Variants in AP3B2 observed in about 807,000 individuals in gnomAD.
The protein encoded by AP3B2 is AP-3 complex subunit beta-2.
A neutral mutation model predicts 126.9 loss-of-function variants in AP3B2; 50 were observed. The observed-to-expected ratio is 0.39, with a 90% CI of 0.31 to 0.50. AP3B2 has a LOEUF of 0.50. Ranked by LOEUF, AP3B2 falls within the 20% of genes least tolerant of loss-of-function variation. AP3B2 has a pLI of 0.79. For synonymous variants in AP3B2, 541 were observed against 565.0 expected (o/e 0.96, Z 0.60); for missense variants, 1,177 against 1,426.4 (o/e 0.83, Z 2.82).
chr15:82,684,421 A>G (rs1229398468), intron 4 of AP3B2, among the ~76,000 whole-genome samples: 1 of 151,900 alleles, frequency 6.6e-6, no homozygotes, highest in African/African-American at 2.4e-5. Flanking sequence ...TAGCTTCCTC[A>G]CCTCTCTCAG....
chr15:82,694,162 C>A (rs947589345), intron 1 of AP3B2, among the ~76,000 whole-genome samples: 1 of 151,766 alleles, frequency 6.6e-6, no homozygotes, highest in African/African-American at 2.4e-5. Flanking sequence ...CACCACCATG[C>A]CTGGCAAATT....
intron 4 of AP3B2, among the ~76,000 whole-genome samples, chr15:82,684,835 T>A (rs763360041): frequency 6.6e-6 from 1 of 152,250 alleles, no homozygotes; most frequent in Non-Finnish European, 1.5e-5. Flanking sequence ...TTACTTTGCA[T>A]TCACAACTTG....
intron 1 of AP3B2, among the ~76,000 whole-genome samples, chr15:82,696,354 G>T (rs1157925741): frequency 6.6e-6 from 1 of 152,172 alleles, no homozygotes; most frequent in Admixed American, 6.5e-5. Context: ...AAGGTGGGCA[G>T]ATCACTTAAG....
chr15:82,677,300 A>G lies in AP3B2; in HGVS notation c.1462T>C (p.Leu488=). The part of the protein sequence containing the change: ...PAQHGEIIKH[L]AKLTDNIQVP... ...TGGATGTTGTCTGTAAGCTTTGCCA[A>G]GTGTTTGATGATCTCTCCATGTTGT... is the stretch of plus-strand genomic sequence containing the variant. The change falls in exon 13 of 27, where the codon TTG becomes CTG. Residue 488 remains leucine (L), a synonymous_variant. Coordinates refer to ENST00000535359, the MANE Select transcript of AP3B2 (RefSeq NM_001278512.2). The G allele has an allele frequency of 1.2e-6, 2 of 1,613,794 alleles. No individual in the cohort carries two copies. Among genetic ancestry groups the G allele is most frequent in the East Asian group, 2.2e-5 (1 of 44,876 alleles).
At position 82,676,641 on chromosome 15, in the gene AP3B2, T is replaced by C. The variant is rs769716945; in HGVS notation, c.1489-4A>G. The C allele has an allele frequency of 6.2e-7, 1 of 1,612,906 alleles. No homozygotes were observed. Among genetic ancestry groups the C allele is most frequent in the Non-Finnish European group, 8.5e-7 (1 of 1,179,638 alleles). On this transcript the variant is annotated splice_polypyrimidine_tract_variant and splice_region_variant and intron_variant, in intron 13 of 26. Transcript: ENST00000535359. The stretch of plus-strand genomic sequence containing the variant: ...TGCTGGCTCGGGCCATGGGCACCTG[T>C]GGTTGTGGGAGAGGAGTGAAGATGG...
intron 1 of AP3B2, chr15:82,699,497 C>T (rs1029015121): frequency 8.3e-5 from 33 of 398,264 alleles, no homozygotes; most frequent in African/African-American, 6.8e-4. Context: ...CTTCTCCGCC[C>T]AGCCTGGACC....
At chr15:82,689,262 G>A (rs1596189620) in intron 2 of AP3B2, 30 bp from the exon 3 acceptor site, 1 of 1,613,550 alleles carries the variant, frequency 6.2e-7, no homozygotes, top group Non-Finnish European at 8.5e-7. Context: ...TAGGGGAAGA[G>A]GGACAAAGCG....
intron 26 of AP3B2, 36 bp from the exon 27 acceptor site, chr15:82,659,746 T>C: frequency 1.2e-6 from 2 of 1,611,816 alleles, no homozygotes; most frequent in South Asian, 2.2e-5. Context: ...GAAGAGCTGC[T>C]AAGGGTGACT....
rs796632595 is a variant in AP3B2 at position 82,684,822 on chromosome 15, C to G, written c.361-3242G>C. Among the ~76,000 whole-genome samples, 13 of 152,316 alleles carry G rather than the reference C, an allele frequency of 8.5e-5. 1 individual carries two copies. The highest frequency in any genetic ancestry group is 2.9e-4 in the African/African-American group (12 of 41,574). On this transcript the variant is annotated intron_variant, in intron 4 of 26. Transcript: ENST00000535359. ...TAGCACTTTTAATTTCCTTCAAGAA[C>G]TTTTACTTTGCATTCACAACTTGGC...
At chr15:82,667,686 C>T (rs1447524434) in intron 14 of AP3B2, among the ~76,000 whole-genome samples, 1 of 152,230 alleles carries the variant, frequency 6.6e-6, no homozygotes, top group African/African-American at 2.4e-5. Flanking sequence ...CAACTCTGTG[C>T]TAGGTGCTCC....
intron 22 of AP3B2, 43 bp downstream of exon 22, chr15:82,663,084 T>A: frequency 6.5e-7 from 1 of 1,539,514 alleles, no homozygotes; most frequent in South Asian, 1.2e-5. Flanking sequence ...AGCACAGGGA[T>A]GTGTCCCTGC....
At chr15:82,688,924 C>T (rs1010828028) in intron 3 of AP3B2, 93 bp from the exon 4 acceptor site, 9 of 1,258,032 alleles carry the variant, frequency 7.2e-6, no homozygotes, top group East Asian at 2.5e-5. Flanking sequence ...CAGCCAGCTG[C>T]GGTCCATGGG....
chr15:82,677,500 C>T lies in AP3B2; in HGVS notation c.1379-117G>A, dbSNP rs2048263061. 3.7e-6 allele frequency: 5 copies of T among 1,360,898 alleles called. No homozygotes were observed. The South Asian group carries it at 6.7e-5, about 18-fold the overall frequency. 84.3% of individuals were successfully genotyped at this position (1,360,898 alleles called of 1,614,324 possible). On this transcript the variant is annotated intron_variant, in intron 12 of 26. Transcript: ENST00000535359. ...CTCTTTCTCTCAACCCCCTTCAGTT[C>T]TCTAGCAGCCCTCAGAGGTGTAGGA...
rs996714336 is a variant in AP3B2 at position 82,660,133 on chromosome 15, G to C, written c.3017-150C>G. ...TTTAAATCATCAGTCTTGGGGAGAAGGTACTTCCCTCTCAGACTGGGCCCT... is the reference window on the plus strand; with the variant it reads ...TTTAAATCATCAGTCTTGGGGAGAACGTACTTCCCTCTCAGACTGGGCCCT... On this transcript the variant is annotated intron_variant, in intron 25 of 26. Coordinates refer to ENST00000535359, the MANE Select transcript of AP3B2 (RefSeq NM_001278512.2). The C allele has an allele frequency of 4.7e-6, 5 of 1,057,702 alleles. No individual in the cohort carries two copies. The East Asian group carries it at 1.2e-4, about 26-fold the overall frequency. The allele number at this position is 1,057,702 out of a possible 1,614,324, so 65.5% of individuals were successfully genotyped here. A position where few individuals can be genotyped will look rare whatever the true frequency, so the allele number is the denominator to read the frequency against.
chr15:82,683,046 A>ATTTTTTTT (rs1567267339), intron 4 of AP3B2, among the ~76,000 whole-genome samples: 2 of 71,932 alleles, frequency 2.8e-5, no homozygotes, highest in African/African-American at 4.5e-5. Context: ...CTGCACCAGG[A>ATTTTTTTT]GTTTTTTTTT....
At position 82,664,609 on chromosome 15, in the gene AP3B2, C is replaced by T. The variant is rs2048019181; in HGVS notation, c.2138-119G>A. The T allele has an allele frequency of 1.5e-6, 2 of 1,342,824 alleles. No individual in the cohort carries two copies. The highest frequency in any genetic ancestry group is 2.0e-6 in the Non-Finnish European group (2 of 979,662). 83.2% of individuals were successfully genotyped at this position (1,342,824 alleles called of 1,614,324 possible). A position where few individuals can be genotyped will look rare whatever the true frequency, so the allele number is the denominator to read the frequency against. On this transcript the variant is annotated intron_variant, in intron 18 of 26. Coordinates refer to ENST00000535359, the MANE Select transcript of AP3B2 (RefSeq NM_001278512.2). This position sits in a 1 kb window ranked among gnomAD's most constrained non-coding sequence, Gnocchi z 4.5. Reference sequence around the variant, plus strand: ...AACCCTCAAACCTCTCTGACCTGCCCCCAGCCCTACATGCCAGCTGGAACT... The same window carrying T: ...AACCCTCAAACCTCTCTGACCTGCCTCCAGCCCTACATGCCAGCTGGAACT...
chr15:82,664,708 T>C lies in AP3B2; in HGVS notation c.2137+127A>G. The C allele has an allele frequency of 1.1e-6, 1 of 911,240 alleles. No homozygotes were observed. The allele number at this position is 911,240 out of a possible 1,614,324, so 56.4% of individuals were successfully genotyped here. On this transcript the variant is annotated intron_variant, in intron 18 of 26. Transcript: ENST00000535359. The surrounding 1 kb of genome is among the most constrained non-coding windows in gnomAD (Gnocchi z 4.5). ...ACACCTGGAACATGAATCCCTCAGG[T>C]GCACAAACAATTCACAAGCAGGTGC...
intron 4 of AP3B2, chr15:82,685,085 A>G (rs1462236197): frequency 6.6e-6 from 1 of 152,234 alleles, no homozygotes; most frequent in Non-Finnish European, 1.5e-5. Context: ...CAGAACACAC[A>G]CAACATTTAT....
intron 14 of AP3B2, among the ~76,000 whole-genome samples, chr15:82,674,508 C>CTG (rs1173321246): frequency 6.6e-6 from 1 of 152,210 alleles, no homozygotes; most frequent in East Asian, 1.9e-4. Context: ...GAGGGTTCAG[C>CTG]TGTATATACC....
Sources: gnomAD v4.1 joint callset for allele counts (sites outside exome capture counted in the v4.1 genomes callset) on GRCh38, gnomAD v4.1.1 for gene constraint, Gnocchi (gnomAD v3.1) non-coding constraint, MANE v1.5 for transcripts, NCBI Gene and HGNC (gene_info 2026-07-23, HGNC 2026-07-21) for gene names.